BLTP1: variants seen among roughly 807,000 people sequenced by gnomAD.
BLTP1 encodes the protein fragile site-associated protein.
the BLTP1 span, chr4:122,189,088 T>C: frequency 2.0e-6 from 2 of 980,386 alleles, no homozygotes; most frequent in Non-Finnish European, 2.4e-6. Context: ...ATCAGGATTT[T>C]TTTGAAAAAT....
At chr4:122,208,739 G>T in the BLTP1 span, 7 of 816,820 alleles carry the variant, frequency 8.6e-6, no homozygotes, top group Non-Finnish European at 1.0e-5. Context: ...TTACCTGACT[G>T]TCGAATGCAA....
chr4:122,239,650 G>A, the BLTP1 span: 1 of 1,614,098 alleles, frequency 6.2e-7, no homozygotes, highest in Admixed American at 1.7e-5. Flanking sequence ...AGTACTAAGA[G>A]TCTTACTGCT....
the BLTP1 span, among the ~76,000 whole-genome samples, chr4:122,172,569 A>T: frequency 4.6e-5 from 7 of 152,184 alleles, no homozygotes; most frequent in Non-Finnish European, 1.0e-4. Flanking sequence ...GACTTCTTTT[A>T]CTTAAAGCAC....
At chr4:122,307,980 C>G in the BLTP1 span, 1 of 1,613,080 alleles carries the variant, frequency 6.2e-7, no homozygotes, top group African/African-American at 1.3e-5. Flanking sequence ...ATAAGGCCGC[C>G]TATGACAACT....
chr4:122,187,617 GTT>G, the BLTP1 span: 2 of 1,114,156 alleles, frequency 1.8e-6, no homozygotes, highest in Non-Finnish European at 2.5e-6. Context: ...GTTTTGTGGA[GTT>G]TTTTTTAGTT....
chr4:122,170,462 T>G, the BLTP1 span: 3 of 1,294,884 alleles, frequency 2.3e-6, no homozygotes, highest in Non-Finnish European at 2.0e-6. Context: ...AATGTGGGCA[T>G]TTTTGTTGTA....
the BLTP1 span, chr4:122,280,276 G>A: frequency 1.5e-6 from 1 of 669,282 alleles, no homozygotes; most frequent in Non-Finnish European, 1.8e-6. Context: ...GCAAATTGGT[G>A]AATTCCAGGA....
the BLTP1 span, chr4:122,249,326 A>T: frequency 7.7e-6 from 6 of 781,554 alleles, no homozygotes; most frequent in African/African-American, 1.1e-4. Context: ...AGGCAGCATT[A>T]TTCTAAAAGT....
At chr4:122,337,257 T>C in the BLTP1 span, 1 of 483,640 alleles carries the variant, frequency 2.1e-6, no homozygotes, top group South Asian at 2.6e-5. Flanking sequence ...ACAAACTGAA[T>C]AGCGTAAGTC....
the BLTP1 span, among the ~76,000 whole-genome samples, chr4:122,242,154 T>G: frequency 1.3e-5 from 2 of 152,198 alleles, no homozygotes; most frequent in Non-Finnish European, 2.9e-5. Context: ...ATTCAGTTTA[T>G]TAAAGAGATG....
At chr4:122,189,040 A>C in the BLTP1 span, 6 of 984,932 alleles carry the variant, frequency 6.1e-6, no homozygotes, top group Non-Finnish European at 7.2e-6. Context: ...TGGACTGTGC[A>C]CACAAATGTG....
At chr4:122,235,552 T>C in the BLTP1 span, 2 of 831,778 alleles carry the variant, frequency 2.4e-6, no homozygotes, top group Non-Finnish European at 2.9e-6. Context: ...ACACCTGTAA[T>C]CCCAGCACTT....
At chr4:122,282,163 G>A in the BLTP1 span, 3 of 774,128 alleles carry the variant, frequency 3.9e-6, no homozygotes, top group South Asian at 5.9e-5. Flanking sequence ...AGCTAATTCT[G>A]TATGGTTTTG....
the BLTP1 span, among the ~76,000 whole-genome samples, chr4:122,337,592 C>T: frequency 6.6e-6 from 1 of 151,916 alleles, no homozygotes; most frequent in Non-Finnish European, 1.5e-5. Context: ...GCTCATACTT[C>T]TGTGACAAAA....
the BLTP1 span, chr4:122,249,252 C>T: frequency 5.5e-6 from 3 of 546,426 alleles, no homozygotes; most frequent in Non-Finnish European, 7.0e-6. Flanking sequence ...TGTAATCATT[C>T]AGAAACAAAT....
chr4:122,154,966 AT>A, the BLTP1 span: 3 of 932,270 alleles, frequency 3.2e-6, no homozygotes, highest in Non-Finnish European at 3.8e-6. Flanking sequence ...TATATTTTTT[AT>A]GAATTCTACA....
the BLTP1 span, chr4:122,250,408 G>T: frequency 1.2e-6 from 2 of 1,613,506 alleles, no homozygotes; most frequent in Non-Finnish European, 1.7e-6. Context: ...TTGGAATTAT[G>T]GGTAAAGCTA....
chr4:122,270,488 C>A, the BLTP1 span: 1 of 357,280 alleles, frequency 2.8e-6, no homozygotes, highest in Non-Finnish European at 3.9e-6. Context: ...GGAGGATTTG[C>A]CAAAATAATT....
the BLTP1 span, chr4:122,262,586 C>T: frequency 3.6e-6 from 1 of 276,068 alleles, no homozygotes; most frequent in Non-Finnish European, 5.5e-6. Flanking sequence ...ACATTTTTAC[C>T]TACATTTAAG....
Sources: gnomAD v4.1 joint callset for allele counts (sites outside exome capture counted in the v4.1 genomes callset) on GRCh38, gnomAD v4.1.1 for gene constraint, MANE v1.5 for transcripts, NCBI Gene and HGNC (gene_info 2026-07-23, HGNC 2026-07-21) for gene names.